Variants in R3HDM2 observed in about 807,000 individuals in gnomAD.
R3HDM2 encodes the protein R3H domain containing 2.
In R3HDM2, 38 loss-of-function variants were observed where a neutral mutation model predicts 124.5. The observed-to-expected ratio is 0.31, with a 90% CI of 0.24 to 0.40. The LOEUF is 0.40. Among genes scored for constraint, R3HDM2 ranks in the 10% least tolerant of loss-of-function variants. R3HDM2 has a pLI of 1.00. For synonymous variants in R3HDM2, 391 were observed against 448.0 expected, an observed-to-expected ratio of 0.87 and a Z score of 1.61; for missense variants, 869 against 1,236.9, an observed-to-expected ratio of 0.70 and a Z score of 4.46.
At chr12:57,260,237 C>A (rs1301551673) in intron 19 of R3HDM2, among the ~76,000 whole-genome samples, 1 of 109,242 alleles carries the variant, frequency 9.2e-6, no homozygotes, top group African/African-American at 3.9e-5. Flanking sequence ...GCACTCCAGA[C>A]TGGGTGACAG....
intron 6 of R3HDM2, among the ~76,000 whole-genome samples, 158 bp from the exon 7 acceptor site, chr12:57,298,326 G>A (rs1180763369): frequency 6.6e-6 from 1 of 152,120 alleles, no homozygotes; most frequent in African/African-American, 2.4e-5. Context: ...TGACCTTGAT[G>A]TGCTAGATCC....
At chr12:57,362,608 C>G (rs1056801167) in intron 2 of R3HDM2, among the ~76,000 whole-genome samples, 4 of 152,150 alleles carry the variant, frequency 2.6e-5, no homozygotes, top group Non-Finnish European at 4.4e-5. Flanking sequence ...CCCTAACCCC[C>G]ACATTGTTCA....
chr12:57,282,026 T>C (rs1197638394), intron 13 of R3HDM2, among the ~76,000 whole-genome samples: 1 of 151,942 alleles, frequency 6.6e-6, no homozygotes, highest in East Asian at 1.9e-4. Flanking sequence ...CAAGAAATGG[T>C]TGGTTGGGTG....
At chr12:57,392,804 CTTTT>C (rs1183514418) in intron 2 of R3HDM2, among the ~76,000 whole-genome samples, 3 of 127,520 alleles carry the variant, frequency 2.4e-5, no homozygotes, top group Admixed American at 8.6e-5. Flanking sequence ...CTATAGTACA[CTTTT>C]TTTTTTTTTT....
chr12:57,341,725 G>A (rs951921942), intron 2 of R3HDM2, among the ~76,000 whole-genome samples: 5 of 152,134 alleles, frequency 3.3e-5, no homozygotes, highest in Non-Finnish European at 5.9e-5. Flanking sequence ...GGATAGTTAC[G>A]TAAAGATATA....
At chr12:57,322,124 C>G (rs1224926012) in intron 2 of R3HDM2, among the ~76,000 whole-genome samples, 1 of 151,978 alleles carries the variant, frequency 6.6e-6, no homozygotes, top group Non-Finnish European at 1.5e-5. Flanking sequence ...GCTGAGGCAG[C>G]AGAACTGCTT....
intron 2 of R3HDM2, among the ~76,000 whole-genome samples, chr12:57,338,724 C>T (rs939573077): frequency 2.6e-5 from 4 of 152,008 alleles, no homozygotes; most frequent in Non-Finnish European, 1.5e-5. Flanking sequence ...AACTCAATCT[C>T]GTACATGGCT....
At chr12:57,340,252 T>C (rs968250058) in intron 2 of R3HDM2, among the ~76,000 whole-genome samples, 6 of 152,188 alleles carry the variant, frequency 3.9e-5, no homozygotes, top group South Asian at 4.1e-4. Context: ...CCTGTCCTAG[T>C]TGCAGACAGG....
At chr12:57,422,558 G>A (rs372005784) in intron 1 of R3HDM2, among the ~76,000 whole-genome samples, 1 of 152,202 alleles carries the variant, frequency 6.6e-6, no homozygotes, top group African/African-American at 2.4e-5. Flanking sequence ...GCTGACAGGG[G>A]CCAGATCATA....
chr12:57,304,440 T>C (rs1387055663), intron 3 of R3HDM2: 5 of 898,232 alleles, frequency 5.6e-6, no homozygotes, highest in Middle Eastern at 5.7e-4. Flanking sequence ...GGCAGGAGGA[T>C]AGGGGAGGGG....
At chr12:57,263,609 C>T (rs1277127522) in intron 19 of R3HDM2, among the ~76,000 whole-genome samples, 1 of 152,166 alleles carries the variant, frequency 6.6e-6, no homozygotes, top group Non-Finnish European at 1.5e-5. Flanking sequence ...GCTGGGATTA[C>T]AGATGTGCAC....
At chr12:57,330,945 G>A (rs1285213688) in intron 2 of R3HDM2, among the ~76,000 whole-genome samples, 3 of 151,584 alleles carry the variant, frequency 2.0e-5, no homozygotes, top group Non-Finnish European at 2.9e-5. Flanking sequence ...TGATCTGCCC[G>A]CCTCGGCCTC....
At chr12:57,388,023 G>A (rs898044551) in intron 2 of R3HDM2, among the ~76,000 whole-genome samples, 5 of 151,784 alleles carry the variant, frequency 3.3e-5, no homozygotes, top group African/African-American at 1.2e-4. Flanking sequence ...GGAGTGCAAT[G>A]GCGGGATATC....
chr12:57,408,958 G>A lies in R3HDM2; in HGVS notation c.-105-13140C>T, dbSNP rs1197551684. ...TTCTTCCACGATGCCTTTCTATATT[G>A]ACTTCTCTCTTATTTTGTATCTGTT... On this transcript the variant is annotated intron_variant, in intron 1 of 23. Transcript: ENST00000402412. Among the ~76,000 whole-genome samples the A allele has an allele frequency of 4.0e-5, 6 of 151,280 alleles. 1 individual carries two copies. In the Admixed American group the frequency reaches 4.0e-4, roughly 10 times the overall value.
intron 11 of R3HDM2, among the ~76,000 whole-genome samples, chr12:57,290,233 T>C (rs554566329): frequency 2.2e-4 from 33 of 152,346 alleles, no homozygotes; most frequent in African/African-American, 7.7e-4. Context: ...ATGGCTATCA[T>C]AGTGGGGCAG....
At chr12:57,341,351 G>T (rs1042710600) in intron 2 of R3HDM2, 5 of 942,810 alleles carry the variant, frequency 5.3e-6, no homozygotes, top group African/African-American at 1.8e-5. Context: ...ATGGCACCCA[G>T]TTACCAACAT....
intron 7 of R3HDM2, 59 bp from the exon 8 acceptor site, chr12:57,297,446 A>G: frequency 9.3e-7 from 1 of 1,073,762 alleles, no homozygotes; most frequent in Non-Finnish European, 1.4e-6. Flanking sequence ...TCCCATAGAC[A>G]TTGAAAGTGG....
At chr12:57,379,315 T>C (rs951310103) in intron 2 of R3HDM2, among the ~76,000 whole-genome samples, 29 of 152,292 alleles carry the variant, frequency 1.9e-4, no homozygotes, top group African/African-American at 7.0e-4. Context: ...ATGCGGTAGC[T>C]CATGCCTGTA....
intron 19 of R3HDM2, among the ~76,000 whole-genome samples, chr12:57,262,198 T>C (rs912691537): frequency 2.6e-5 from 4 of 152,152 alleles, no homozygotes; most frequent in African/African-American, 7.2e-5. Context: ...CTTTTTTTGG[T>C]GGGGGAGTAG....
Sources: gnomAD v4.1 joint callset for allele counts (sites outside exome capture counted in the v4.1 genomes callset) on GRCh38, gnomAD v4.1.1 for gene constraint, MANE v1.5 for transcripts, NCBI Gene and HGNC (gene_info 2026-07-23, HGNC 2026-07-21) for gene names.